Variants in MAPK4 observed in about 807,000 individuals in gnomAD.
MAPK4 encodes mitogen-activated protein kinase 4.
Under a neutral mutation model 47.7 loss-of-function variants are expected in MAPK4, and 22 were observed. The observed-to-expected ratio is 0.46, with a 90% CI of 0.33 to 0.66. MAPK4 has a LOEUF of 0.66. Ranked by LOEUF, MAPK4 falls within the 30% of genes least tolerant of loss-of-function variation. The pLI is 0.02. For synonymous variants in MAPK4, 390 were observed against 365.7 expected, an observed-to-expected ratio of 1.07 and a Z score of -0.76; for missense variants, 736 against 831.7, an observed-to-expected ratio of 0.88 and a Z score of 1.42.
chr18:50,627,808 G>A (rs9960447), intron 1 of MAPK4, among the ~76,000 whole-genome samples: 64,945 of 151,878 alleles, frequency 0.43, 14,065 homozygotes, highest in Middle Eastern at 0.55. Context: ...GGCCACATCC[G>A]AGACCTGGCT....
intron 1 of MAPK4, among the ~76,000 whole-genome samples, chr18:50,579,626 G>C (rs1319755140): frequency 1.3e-5 from 2 of 152,132 alleles, no homozygotes; most frequent in African/African-American, 4.8e-5. Context: ...TCATAGCCCA[G>C]CCACCTGCTG....
intron 1 of MAPK4, among the ~76,000 whole-genome samples, chr18:50,651,259 C>T (rs577405638): frequency 6.6e-6 from 1 of 152,290 alleles, no homozygotes; most frequent in South Asian, 2.1e-4. Context: ...TTCTTGTCCA[C>T]TCCGCACCCA....
chr18:50,659,565 G>A (rs915232686), intron 1 of MAPK4, among the ~76,000 whole-genome samples: 3 of 152,190 alleles, frequency 2.0e-5, no homozygotes, highest in Admixed American at 6.5e-5. Flanking sequence ...GTTTGCCTCC[G>A]CATGTTAAAA....
chr18:50,609,348 C>A lies in MAPK4; in HGVS notation c.-871+49105C>A, dbSNP rs960964288. On this transcript the variant is annotated intron_variant, in intron 1 of 5. Transcript: ENST00000400384. ...GCGGGGCGGCGGCCGGGCGGAGGCG[C>A]CCCCCACCTCCCAGACGGGGCGGCT... Among the ~76,000 whole-genome samples the A allele has an allele frequency of 4.6e-5, 7 of 151,168 alleles. No individual in the cohort carries two copies. The South Asian group carries it at 1.5e-3, about 32-fold the overall frequency.
intron 2 of MAPK4, 150 bp from the exon 3 acceptor site, chr18:50,714,929 C>A: frequency 1.3e-6 from 1 of 752,658 alleles, no homozygotes; most frequent in Non-Finnish European, 2.1e-6. Flanking sequence ...CGTCTGTTCA[C>A]TCATGCTCCT....
At chr18:50,623,950 A>G (rs77728208) in intron 1 of MAPK4, among the ~76,000 whole-genome samples, 2,821 of 152,334 alleles carry the variant, frequency 0.019, 82 homozygotes, top group African/African-American at 0.062. Context: ...GCTCTTCCTC[A>G]AGTGGCTACA....
rs1045826808 is a variant in MAPK4, at chr18:50,630,097, C to G, written c.-870-32992C>G. Among the ~76,000 whole-genome samples the G allele has an allele frequency of 2.6e-5, 4 of 152,278 alleles. No individual in the cohort carries two copies. The South Asian group carries it at 8.3e-4, about 32-fold the overall frequency. ...GAGATGGGGGAGGGGAACGCCTAAC[C>G]CATAGTGGCATTCGGTCTGGTAGGA... On this transcript the variant is annotated intron_variant, in intron 1 of 5. Coordinates refer to ENST00000400384, the MANE Select transcript of MAPK4 (RefSeq NM_002747.4).
intron 1 of MAPK4, among the ~76,000 whole-genome samples, chr18:50,603,038 G>A (rs1238004095): frequency 6.6e-6 from 1 of 152,112 alleles, no homozygotes; most frequent in Non-Finnish European, 1.5e-5. Flanking sequence ...CTTAAATTGT[G>A]TCTTACCTCC....
At chr18:50,618,217 TC>T (rs1568047377) in intron 1 of MAPK4, among the ~76,000 whole-genome samples, 1 of 150,748 alleles carries the variant, frequency 6.6e-6, no homozygotes, top group Non-Finnish European at 1.5e-5. Flanking sequence ...TCATCTCTGA[TC>T]CCTCATGATA....
Position 50,560,100 on chromosome 18 carries a change from G to T in MAPK4, c.-1014G>T. 3 of 148,882 alleles carry T rather than the reference G, an allele frequency of 2.0e-5. No homozygotes were observed. The South Asian group carries it at 5.4e-4, about 27-fold the overall frequency. The allele number at this position is 148,882 out of a possible 1,614,324, so 9.2% of individuals were successfully genotyped here. Reference sequence around the variant, plus strand: ...GGGGCGGGAGCCGGAGCCCGAGCTGGAGCAGCGAGCCGGGCTGTCGGGGCG... The same window carrying T: ...GGGGCGGGAGCCGGAGCCCGAGCTGTAGCAGCGAGCCGGGCTGTCGGGGCG... On this transcript the variant is annotated 5_prime_UTR_variant, in exon 1 of 6. Coordinates refer to ENST00000400384, the MANE Select transcript of MAPK4 (RefSeq NM_002747.4).
chr18:50,627,548 C>T (rs2042789609), intron 1 of MAPK4, among the ~76,000 whole-genome samples: 1 of 152,208 alleles, frequency 6.6e-6, no homozygotes, highest in Admixed American at 6.5e-5. Context: ...GAACACCCTG[C>T]CACTGTGTTG....
intron 2 of MAPK4, among the ~76,000 whole-genome samples, chr18:50,701,276 C>T (rs1331512691): frequency 6.6e-6 from 1 of 151,614 alleles, no homozygotes; most frequent in African/African-American, 2.4e-5. Flanking sequence ...AACCCCAAGG[C>T]CTCTCCTTTG....
intron 1 of MAPK4, among the ~76,000 whole-genome samples, chr18:50,643,293 A>G (rs1043250142): frequency 1.3e-5 from 2 of 152,330 alleles, no homozygotes; most frequent in African/African-American, 4.8e-5. Context: ...CAGGCGGATC[A>G]CTCAAGGTCA....
chr18:50,626,534 A>AG (rs1310548942), intron 1 of MAPK4, among the ~76,000 whole-genome samples: 8 of 152,244 alleles, frequency 5.3e-5, no homozygotes, highest in African/African-American at 1.9e-4. Flanking sequence ...CTTTGGCCCA[A>AG]GGGTTCATCA....
chr18:50,701,650 A>G (rs1342184749), intron 2 of MAPK4, among the ~76,000 whole-genome samples: 1 of 152,186 alleles, frequency 6.6e-6, no homozygotes, highest in Admixed American at 6.5e-5. Context: ...GGCCCACCCT[A>G]CAACTCATAA....
intron 1 of MAPK4, among the ~76,000 whole-genome samples, chr18:50,647,467 T>A (rs2043000681): frequency 6.6e-6 from 1 of 152,142 alleles, no homozygotes; most frequent in African/African-American, 2.4e-5. Flanking sequence ...GAAAAAGAAA[T>A]GAACACCCGA....
intron 1 of MAPK4, among the ~76,000 whole-genome samples, chr18:50,650,816 A>G (rs2043040497): frequency 6.6e-6 from 1 of 152,228 alleles, no homozygotes; most frequent in Non-Finnish European, 1.5e-5. Flanking sequence ...TTCCTGATAG[A>G]AAGTTATTAC....
At chr18:50,690,312 C>G (rs1479810076) in intron 2 of MAPK4, among the ~76,000 whole-genome samples, 1 of 152,212 alleles carries the variant, frequency 6.6e-6, no homozygotes. Flanking sequence ...ATATTTCTAA[C>G]CTACTCCCAC....
intron 3 of MAPK4, among the ~76,000 whole-genome samples, chr18:50,716,885 T>G (rs1288069308): frequency 6.6e-6 from 1 of 152,168 alleles, no homozygotes; most frequent in African/African-American, 2.4e-5. Flanking sequence ...GGATAGAGCC[T>G]CTGCATCCTC....
Sources: allele counts gnomAD v4.1 joint callset (sites outside exome capture counted in the v4.1 genomes callset), GRCh38; gene constraint gnomAD v4.1.1; transcripts MANE v1.5; gene names NCBI Gene and HGNC (gene_info 2026-07-23, HGNC 2026-07-21).